The following GRIA1 variants were observed in gnomAD, a reference collection of about 807,000 sequenced individuals.
The protein encoded by GRIA1 is glutamate ionotropic receptor AMPA type subunit 1.
GRIA1 carries 31 observed loss-of-function variants against 99.2 expected under a neutral mutation model. The observed-to-expected ratio is 0.31, with a 90% CI of 0.23 to 0.42. The LOEUF is 0.42. Ranked by LOEUF, GRIA1 falls within the 10% of genes least tolerant of loss-of-function variation. GRIA1 has a pLI of 1.00. For missense variants in GRIA1, 782 were observed against 1,157.5 expected, an observed-to-expected ratio of 0.68 and a Z score of 4.71; for synonymous variants, 438 against 432.4, an observed-to-expected ratio of 1.01 and a Z score of -0.16.
chr5:153,675,797 A>G (rs1353421729), intron 6 of GRIA1, among the ~76,000 whole-genome samples: 1 of 152,230 alleles, frequency 6.6e-6, no homozygotes, highest in Non-Finnish European at 1.5e-5. Flanking sequence ...AGTAATGTGT[A>G]ATGATTGCAC....
intron 2 of GRIA1, among the ~76,000 whole-genome samples, chr5:153,619,395 G>C (rs567887598): frequency 8.1e-4 from 123 of 152,152 alleles, no homozygotes; most frequent in Admixed American, 2.4e-3. Context: ...ACTCATTTTA[G>C]AAAGACTAGG....
chr5:153,510,085 G>T (rs1296866830), intron 2 of GRIA1, among the ~76,000 whole-genome samples: 1 of 152,106 alleles, frequency 6.6e-6, no homozygotes, highest in East Asian at 1.9e-4. Context: ...TGCCAAGATG[G>T]TTCTTTTTAG....
intron 13 of GRIA1, among the ~76,000 whole-genome samples, chr5:153,783,244 C>T (rs988671743): frequency 3.3e-5 from 5 of 152,210 alleles, no homozygotes; most frequent in Non-Finnish European, 7.3e-5. Context: ...GAGATGAGAC[C>T]AGTGAGCTGG....
At chr5:153,728,257 T>A (rs1760722808) in intron 11 of GRIA1, among the ~76,000 whole-genome samples, 1 of 151,866 alleles carries the variant, frequency 6.6e-6, no homozygotes. Flanking sequence ...GACTTAAACG[T>A]TAGACCTAAA....
intron 13 of GRIA1, among the ~76,000 whole-genome samples, chr5:153,778,661 ACACAC>A (rs1226564653): frequency 6.7e-6 from 1 of 150,080 alleles, no homozygotes; most frequent in Admixed American, 6.6e-5. Flanking sequence ...CCACACACAC[ACACAC>A]ACACACACAC....
chr5:153,593,130 G>A (rs911209909), intron 2 of GRIA1, among the ~76,000 whole-genome samples: 4 of 152,144 alleles, frequency 2.6e-5, no homozygotes, highest in Non-Finnish European at 1.5e-5. Context: ...AGCCTGGCTT[G>A]GTAACACATG....
intron 5 of GRIA1, among the ~76,000 whole-genome samples, chr5:153,656,218 G>A (rs905128974): frequency 3.3e-5 from 5 of 151,860 alleles, no homozygotes. Flanking sequence ...ACTGGTTTGG[G>A]TCCTCCATTT....
chr5:153,519,525 G>A (rs139241538), intron 2 of GRIA1, among the ~76,000 whole-genome samples: 166 of 145,318 alleles, frequency 1.1e-3, no homozygotes, highest in Non-Finnish European at 1.4e-3. Flanking sequence ...CTCAATCCAC[G>A]GCTGAAGAAG....
chr5:153,549,853 T>C (rs777852936), intron 2 of GRIA1, among the ~76,000 whole-genome samples: 1 of 152,154 alleles, frequency 6.6e-6, no homozygotes, highest in Non-Finnish European at 1.5e-5. Flanking sequence ...ATTCCCTTTA[T>C]GTGGGACTAA....
At chr5:153,782,221 C>G (rs967628882) in intron 13 of GRIA1, among the ~76,000 whole-genome samples, 10 of 152,166 alleles carry the variant, frequency 6.6e-5, no homozygotes, top group African/African-American at 2.4e-4. Flanking sequence ...GAATCAGTGG[C>G]ACAGAGAGAC....
At chr5:153,706,240 G>A in intron 11 of GRIA1, 173 bp downstream of exon 11, 3 of 665,586 alleles carry the variant, frequency 4.5e-6, no homozygotes, top group African/African-American at 3.6e-5. Flanking sequence ...GGATTATCTG[G>A]ATCATCCTGT....
chr5:153,698,011 C>G (rs1405612434), intron 8 of GRIA1, 33 bp from the exon 9 acceptor site: 1 of 1,234,584 alleles, frequency 8.1e-7, no homozygotes, highest in South Asian at 1.2e-5. Flanking sequence ...GAGGCTGGCC[C>G]ACCTGACACC....
intron 2 of GRIA1, among the ~76,000 whole-genome samples, chr5:153,606,598 C>A (rs1370536854): frequency 6.6e-6 from 1 of 151,752 alleles, no homozygotes; most frequent in Non-Finnish European, 1.5e-5. Flanking sequence ...GTTTTCAGTA[C>A]AGATCTTTTG....
At chr5:153,738,967 C>T (rs1412405466) in intron 11 of GRIA1, among the ~76,000 whole-genome samples, 1 of 151,892 alleles carries the variant, frequency 6.6e-6, no homozygotes, top group Non-Finnish European at 1.5e-5. Flanking sequence ...GGTGATCCAC[C>T]CACCTCGGCC....
At chr5:153,648,723 C>T (rs982285735) in intron 3 of GRIA1, among the ~76,000 whole-genome samples, 1 of 152,080 alleles carries the variant, frequency 6.6e-6, no homozygotes, top group Admixed American at 6.6e-5. Flanking sequence ...GGCCAGATAC[C>T]ATATTGGTCA....
chr5:153,799,471 A>ATTTTT (rs1455797458), intron 14 of GRIA1, among the ~76,000 whole-genome samples: 1 of 152,248 alleles, frequency 6.6e-6, no homozygotes, highest in African/African-American at 2.4e-5. Context: ...AAAGGGAATC[A>ATTTTT]GAACATTTTG....
intron 14 of GRIA1, among the ~76,000 whole-genome samples, chr5:153,796,510 A>T (rs35305514): frequency 0.087 from 13,210 of 152,312 alleles, 821 homozygotes; most frequent in Non-Finnish European, 0.12. Flanking sequence ...TGCTTCTTAA[A>T]AAGCGAGAGG....
At position 153,669,254 on chromosome 5, in the gene GRIA1, A is replaced by C. The variant is rs139273194; in HGVS notation, c.700-5246A>C. 8.5e-4 allele frequency among the ~76,000 whole-genome samples: 129 copies of C among 152,166 alleles called. 1 individual carries two copies. The highest frequency in any genetic ancestry group is 3.4e-3 in the Middle Eastern group (1 of 294). ...TGTTTAAAATACATCTCAAACAATTATTATTCTTTTGTTTTTAAATTACAG... is the reference window on the plus strand; with the variant it reads ...TGTTTAAAATACATCTCAAACAATTCTTATTCTTTTGTTTTTAAATTACAG... On this transcript the variant is annotated intron_variant, in intron 5 of 15. Transcript: ENST00000285900.
At chr5:153,779,133 T>C (rs749359928) in intron 13 of GRIA1, among the ~76,000 whole-genome samples, 4 of 152,214 alleles carry the variant, frequency 2.6e-5, no homozygotes, top group African/African-American at 9.6e-5. Context: ...AATGATGTGC[T>C]GGGCAATGCA....
Sources: gnomAD v4.1 joint callset for allele counts (sites outside exome capture counted in the v4.1 genomes callset) on GRCh38, gnomAD v4.1.1 for gene constraint, MANE v1.5 for transcripts, NCBI Gene and HGNC (gene_info 2026-07-23, HGNC 2026-07-21) for gene names.